MYOM3: variants seen among roughly 807,000 people sequenced by gnomAD.
MYOM3 encodes myomesin 3, also known as myomesin-3.
MYOM3 carries 155 observed loss-of-function variants against 191.7 expected under a neutral mutation model. That is an observed-to-expected ratio of 0.81 (90% CI 0.71 to 0.92). MYOM3 has a LOEUF of 0.92. MYOM3 is among the 40% of genes least tolerant of loss of function. The probability of loss-of-function intolerance (pLI) is 0.00; values close to 1 mark genes in which losing one functional copy is unlikely to be tolerated. For synonymous variants in MYOM3, 757 were observed against 762.9 expected (o/e 0.99, Z 0.13); for missense variants, 1,889 against 1,890.6 (o/e 1.00, Z 0.02).
rs2148556569 is a variant in MYOM3 at position 24,093,067 on chromosome 1, T to C, written c.970A>G (p.Thr324Ala). The C allele has an allele frequency of 1.2e-6, 2 of 1,612,604 alleles. No individual in the cohort carries two copies. The highest frequency in any genetic ancestry group is 2.2e-5 in the East Asian group (1 of 44,850). ...RSSRRRKILY[T>A]DRQASLKVSC... Reference sequence around the variant, plus strand: ...ACCTTCAGGGATGCCTGGCGGTCTGTGTAGAGGATCTTCCGACGTCTCGAG... The same window carrying C: ...ACCTTCAGGGATGCCTGGCGGTCTGCGTAGAGGATCTTCCGACGTCTCGAG... The change falls in exon 10 of 37, where the codon ACA becomes GCA. Residue 324 changes from threonine to alanine, a missense_variant. Coordinates refer to ENST00000374434, the MANE Select transcript of MYOM3 (RefSeq NM_152372.4).
intron 22 of MYOM3, among the ~76,000 whole-genome samples, chr1:24,074,620 T>C (rs1643574473): frequency 6.6e-6 from 1 of 152,194 alleles, no homozygotes; most frequent in Non-Finnish European, 1.5e-5. Flanking sequence ...GGGGCCCTTG[T>C]GGTCATCTGG....
intron 30 of MYOM3, 24 bp downstream of exon 30, chr1:24,064,048 C>T (rs1335362627): frequency 6.3e-7 from 1 of 1,589,520 alleles, no homozygotes; most frequent in African/African-American, 1.3e-5. Context: ...CCTCCACAGC[C>T]CCTGACCCAT....
chr1:24,071,071 C>T, intron 25 of MYOM3, 46 bp downstream of exon 25: 1 of 1,599,602 alleles, frequency 6.3e-7, no homozygotes, highest in Non-Finnish European at 8.5e-7. Context: ...GAGGCCACCT[C>T]CCCGGCAGGG....
chr1:24,070,565 G>T (rs978613447), intron 25 of MYOM3, among the ~76,000 whole-genome samples: 3 of 152,094 alleles, frequency 2.0e-5, no homozygotes, highest in African/African-American at 7.2e-5. Context: ...TTTAGCCATG[G>T]TGACAAAGTG....
At position 24,082,734 on chromosome 1, in the gene MYOM3, C is replaced by T; in HGVS notation, c.1971-20G>A. On this transcript the variant is annotated intron_variant, in intron 16 of 36. Transcript: ENST00000374434. ...GTAAACCTGGGAGAGAAATGTGCAGCTTTCATGGATGTACAAACAGCCTGG... is the reference window on the plus strand; with the variant it reads ...GTAAACCTGGGAGAGAAATGTGCAGTTTTCATGGATGTACAAACAGCCTGG... 1 of 1,577,066 alleles carries T rather than the reference C, an allele frequency of 6.3e-7. No individual in the cohort carries two copies. Among genetic ancestry groups the T allele is most frequent in the Non-Finnish European group, 8.6e-7 (1 of 1,164,500 alleles).
chr1:24,087,611 T>G lies in MYOM3; in HGVS notation c.1615-784A>C, dbSNP rs1233228829. Reference sequence around the variant, plus strand: ...CTCCGAGAAATCTCTTGGCTTCCTGTAGGCCTTTAATAAAAATCCACCTTC... The same window carrying G: ...CTCCGAGAAATCTCTTGGCTTCCTGGAGGCCTTTAATAAAAATCCACCTTC... On this transcript the variant is annotated intron_variant, in intron 14 of 36. Transcript: ENST00000374434. This position sits in a 1 kb window ranked among gnomAD's most constrained non-coding sequence, Gnocchi z 4.5. Among the ~76,000 whole-genome samples the G allele has an allele frequency of 6.6e-6, 1 of 152,092 alleles. No homozygotes were observed. Among genetic ancestry groups the G allele is most frequent in the Non-Finnish European group, 1.5e-5 (1 of 68,018 alleles).
At position 24,061,943 on chromosome 1, in the gene MYOM3, C is replaced by T; in HGVS notation, c.3934+3G>A. On this transcript the variant is annotated splice_donor_region_variant and intron_variant, in intron 33 of 36. Transcript: ENST00000374434. ...TCCCTGCAGACATAGGTGGATGGCT[C>T]ACCTTGCCCTGAGAGATCTGTTGAG... The T allele has an allele frequency of 6.2e-7, 1 of 1,614,126 alleles. No individual in the cohort carries two copies. The highest frequency in any genetic ancestry group is 8.5e-7 in the Non-Finnish European group (1 of 1,180,010).
intron 12 of MYOM3, 60 bp downstream of exon 12, chr1:24,090,737 A>G (rs1467406639): frequency 7.7e-6 from 12 of 1,552,604 alleles, no homozygotes; most frequent in African/African-American, 1.4e-5. Flanking sequence ...CCTGTGTGAG[A>G]CAGTCCTGAG....
At chr1:24,088,864 A>G (rs764398344) in intron 14 of MYOM3, among the ~76,000 whole-genome samples, 120 of 152,106 alleles carry the variant, frequency 7.9e-4, no homozygotes, top group Non-Finnish European at 1.3e-3. Flanking sequence ...GTTTTATTTC[A>G]TCTTCACAGG....
chr1:24,095,390 A>G (rs1643873380), intron 8 of MYOM3, 52 bp downstream of exon 8: 3 of 1,553,384 alleles, frequency 1.9e-6, no homozygotes, highest in Non-Finnish European at 1.8e-6. Context: ...GGGGTCGGGG[A>G]GCAAAGCCTG....
At position 24,082,653 on chromosome 1, in the gene MYOM3, C is replaced by G; in HGVS notation, c.2032G>C (p.Glu678Gln). Residue 678 changes from glutamate (E) to glutamine (Q), a missense_variant, in exon 17 of 37, where the codon GAG (glutamate) becomes CAG (glutamine). Physicochemically the swap from Glu to Gln is conservative, Grantham distance 29. Coordinates refer to ENST00000374434, the MANE Select transcript of MYOM3 (RefSeq NM_152372.4). ...EYEFCVRSVS[E>Q]AGVGESSAAT... is the part of the protein sequence containing the mutation. ...GCTGAGCTCTCGCCTACCCCAGCCT[C>G]GCTGACTGACCTGACACAAAACTCG... 1 of 1,612,804 alleles carries G rather than the reference C, an allele frequency of 6.2e-7. No homozygotes were observed. Among genetic ancestry groups the G allele is most frequent in the Non-Finnish European group, 8.5e-7 (1 of 1,179,562 alleles).
At position 24,082,687 on chromosome 1, in the gene MYOM3, C is replaced by T. The variant is rs374229741; in HGVS notation, c.1998G>A (p.Gly666=). The change falls in exon 17 of 37, where the codon GGG becomes GGA. Residue 666 remains glycine (G), a synonymous_variant. Transcript: ENST00000374434. ...TRFTVPGLRT[G]KEYEFCVRSV... ...ACCTGACACAAAACTCGTACTCCTT[C>T]CCCGTCCTCAGCCCGGGAACTGTAA... is the stretch of plus-strand genomic sequence containing the variant. The T allele has an allele frequency of 3.7e-6, 6 of 1,611,288 alleles. No individual in the cohort carries two copies. Among genetic ancestry groups the T allele is most frequent in the East Asian group, 2.2e-5 (1 of 44,568 alleles).
intron 7 of MYOM3, among the ~76,000 whole-genome samples, chr1:24,096,603 G>A (rs1643879323): frequency 1.3e-5 from 2 of 152,248 alleles, no homozygotes; most frequent in East Asian, 1.9e-4. Context: ...AGTGGGTGGA[G>A]AGGGCTGTGC....
chr1:24,100,758 G>A (rs1014078298), intron 5 of MYOM3, among the ~76,000 whole-genome samples: 3 of 152,080 alleles, frequency 2.0e-5, no homozygotes, highest in Admixed American at 1.3e-4. Context: ...GTGGTGGCGG[G>A]CGCCTGTAGT....
rs116488338 is a variant in MYOM3 at position 24,085,164 on chromosome 1, G to A, written c.1799-525C>T. 4.1e-3 allele frequency among the ~76,000 whole-genome samples: 616 copies of A among 151,620 alleles called. 2 individuals are homozygous for A. Among genetic ancestry groups the A allele is most frequent in the Non-Finnish European group, 7.0e-3 (472 of 67,852 alleles). ...TGGACAGATGGATGCATGGACAGGTGGATACATGGATGAATAAATGGATGG... is the reference window on the plus strand; with the variant it reads ...TGGACAGATGGATGCATGGACAGGTAGATACATGGATGAATAAATGGATGG... On this transcript the variant is annotated intron_variant, in intron 15 of 36. Transcript: ENST00000374434.
intron 5 of MYOM3, among the ~76,000 whole-genome samples, chr1:24,104,060 C>T (rs568159789): frequency 5.5e-4 from 84 of 152,214 alleles, no homozygotes; most frequent in Non-Finnish European, 1.0e-3. Context: ...CTCACATTGG[C>T]TGTGTGACCT....
Position 24,092,098 on chromosome 1 carries a change from C to T in MYOM3, c.1232+76G>A, listed in dbSNP as rs79117160. The T allele has an allele frequency of 5.1e-3, 6,808 of 1,327,118 alleles. 281 individuals are homozygous for T. In the African/African-American group the frequency reaches 0.09, roughly 17 times the overall value. The allele number at this position is 1,327,118 out of a possible 1,614,324, so 82.2% of individuals were successfully genotyped here. ...GGTTCTCTGAGGTCAGACATGGGGCCTCCTCTTTGCTGTGGCTCCCACCAC... is the reference window on the plus strand; with the variant it reads ...GGTTCTCTGAGGTCAGACATGGGGCTTCCTCTTTGCTGTGGCTCCCACCAC... On this transcript the variant is annotated intron_variant, in intron 11 of 36. Transcript: ENST00000374434.
At position 24,082,175 on chromosome 1, in the gene MYOM3, G is replaced by C. The variant is rs1266475754; in HGVS notation, c.2106C>G (p.Ala702=). 3 of 1,610,358 alleles carry C rather than the reference G, an allele frequency of 1.9e-6. No homozygotes were observed. The Admixed American group carries it at 5.0e-5, about 27-fold the overall frequency. Residue 702 remains alanine (A), a synonymous_variant, in exon 18 of 37, where the codon GCC becomes GCG. Coordinates refer to ENST00000374434, the MANE Select transcript of MYOM3 (RefSeq NM_152372.4). ...RVKQALATPS[A]PYGFALLNCG... is the part of the protein sequence containing the mutation. ...AGTTCAGGAGGGCAAAGCCATATGG[G>C]GCAGACGGGGTAGCTACAGGGAGGT...
chr1:24,094,727 C>T, intron 9 of MYOM3, 126 bp downstream of exon 9: 2 of 947,362 alleles, frequency 2.1e-6, no homozygotes, highest in East Asian at 2.6e-5. Flanking sequence ...TCTGCCTCTT[C>T]AGCACTTTAG....
Sources: gnomAD v4.1 joint callset for allele counts (sites outside exome capture counted in the v4.1 genomes callset) on GRCh38, gnomAD v4.1.1 for gene constraint, Gnocchi (gnomAD v3.1) non-coding constraint, MANE v1.5 for transcripts, NCBI Gene and HGNC (gene_info 2026-07-23, HGNC 2026-07-21) for gene names.